The following CHRM3 variants were observed in gnomAD, a reference collection of about 807,000 sequenced individuals.
The protein encoded by CHRM3 is muscarinic acetylcholine receptor M3.
CHRM3 carries 11 observed loss-of-function variants against 41.8 expected under a neutral mutation model. The observed-to-expected ratio is 0.26, with a 90% CI of 0.17 to 0.44. The LOEUF (loss-of-function observed/expected upper bound fraction) is 0.44. Among genes scored for constraint, CHRM3 ranks in the 20% least tolerant of loss-of-function variants. CHRM3 has a pLI of 1.00. For synonymous variants in CHRM3, 297 were observed against 301.4 expected (o/e 0.99, Z 0.15); for missense variants, 571 against 745.4 (o/e 0.77, Z 2.72).
At chr1:239,815,801 C>T (rs1021934027) in intron 5 of CHRM3, among the ~76,000 whole-genome samples, 5 of 152,110 alleles carry the variant, frequency 3.3e-5, no homozygotes, top group African/African-American at 9.7e-5. Context: ...CACATGGTGC[C>T]TCGGTCTGAG....
intron 5 of CHRM3, among the ~76,000 whole-genome samples, chr1:239,689,814 G>A (rs1659532367): frequency 6.6e-6 from 1 of 152,094 alleles, no homozygotes. Context: ...CCGTGTCCAG[G>A]GTACGGATTT....
At chr1:239,564,476 A>G (rs1190003062) in intron 3 of CHRM3, among the ~76,000 whole-genome samples, 1 of 152,194 alleles carries the variant, frequency 6.6e-6, no homozygotes, top group African/African-American at 2.4e-5. Flanking sequence ...TAATTATCCC[A>G]ATATATTTAA....
At chr1:239,794,387 G>GTTTTTTTTTTTTTTT (rs10925977) in intron 5 of CHRM3, among the ~76,000 whole-genome samples, 3 of 115,304 alleles carry the variant, frequency 2.6e-5, no homozygotes, top group Non-Finnish European at 1.9e-5. Flanking sequence ...TTCGTTTGTT[G>GTTTTTTTTTTTTTTT]TTTTTTTTTT....
chr1:239,784,294 C>A (rs1668726958), intron 5 of CHRM3, among the ~76,000 whole-genome samples: 1 of 152,090 alleles, frequency 6.6e-6, no homozygotes, highest in African/African-American at 2.4e-5. Flanking sequence ...ATGTGTTGCC[C>A]AAGTTCATTG....
intron 6 of CHRM3, among the ~76,000 whole-genome samples, chr1:239,875,263 C>T (rs1444946763): frequency 6.6e-6 from 1 of 152,158 alleles, no homozygotes. Flanking sequence ...GATTCTATGG[C>T]AGAGAGGTGG....
chr1:239,894,773 G>A (rs774632565), intron 6 of CHRM3, among the ~76,000 whole-genome samples: 1 of 151,830 alleles, frequency 6.6e-6, no homozygotes, highest in South Asian at 2.1e-4. Flanking sequence ...ACCAACAACT[G>A]TATCAGAGGC....
chr1:239,542,552 C>T (rs536920432), intron 2 of CHRM3, among the ~76,000 whole-genome samples: 21 of 152,266 alleles, frequency 1.4e-4, no homozygotes, highest in East Asian at 1.4e-3. Flanking sequence ...ACATTTTGTT[C>T]ATATTTTGTC....
chr1:239,630,029 G>C (rs1669629447), intron 3 of CHRM3, among the ~76,000 whole-genome samples: 1 of 152,176 alleles, frequency 6.6e-6, no homozygotes, highest in South Asian at 2.1e-4. Context: ...CTGCAGCTAG[G>C]ATGAAAGCCA....
rs539733518 is a variant in CHRM3, at chr1:239,670,352, A to G, written c.-249-7834A>G. Among the ~76,000 whole-genome samples, 9 of 152,252 alleles carry G rather than the reference A, an allele frequency of 5.9e-5. No homozygotes were observed. The South Asian group carries it at 1.4e-3, about 25-fold the overall frequency. On this transcript the variant is annotated intron_variant, in intron 4 of 6. Transcript: ENST00000676153. ...CTTTATAAAAATAAAATCATAGGTA[A>G]AATATTTCTGTGTCTGACTTCTTTT... is the stretch of plus-strand genomic sequence containing the variant.
chr1:239,592,701 A>T (rs565980524), intron 3 of CHRM3, among the ~76,000 whole-genome samples: 13 of 152,130 alleles, frequency 8.5e-5, no homozygotes, highest in Non-Finnish European at 1.6e-4. Context: ...ATACCACATA[A>T]TATACCACAT....
intron 3 of CHRM3, among the ~76,000 whole-genome samples, chr1:239,615,258 G>A (rs1667506248): frequency 6.6e-6 from 1 of 152,168 alleles, no homozygotes; most frequent in Non-Finnish European, 1.5e-5. Flanking sequence ...TATGTAAGGT[G>A]AGCATCTCTA....
chr1:239,414,137 T>C (rs763057162), intron 1 of CHRM3, among the ~76,000 whole-genome samples: 13 of 152,192 alleles, frequency 8.5e-5, no homozygotes, highest in Non-Finnish European at 1.0e-4. Context: ...AAAATCTAAA[T>C]GTGTTTGTGT....
At position 239,913,731 on chromosome 1, in the gene CHRM3, A is replaced by C. The variant is rs1330235815; in HGVS notation, c.*4507A>C. 6.0e-6 allele frequency: 1 copy of C among 167,062 alleles called. No homozygotes were observed. The highest frequency in any genetic ancestry group is 6.5e-5 in the Admixed American group (1 of 15,290). The allele number at this position is 167,062 out of a possible 1,614,324, so 10.3% of individuals were successfully genotyped here. On this transcript the variant is annotated 3_prime_UTR_variant, in exon 7 of 7. Transcript: ENST00000676153. ...AAAAGAAGATCTAGTTCATAAAATG[A>C]CTATACCCCACGTAAGTTTGTAACT...
rs551670324 is a variant in CHRM3 at position 239,664,836 on chromosome 1, T to C, written c.-249-13350T>C. Among the ~76,000 whole-genome samples, 9 of 152,300 alleles carry C rather than the reference T, an allele frequency of 5.9e-5. No individual in the cohort carries two copies. The East Asian group carries it at 1.7e-3, about 29-fold the overall frequency. The stretch of plus-strand genomic sequence containing the variant: ...TGTGGGTCTTCCTGGCTTCTCAGTG[T>C]ACTTCTTGTCTACTTTTCACCACGG... On this transcript the variant is annotated intron_variant, in intron 4 of 6. Coordinates refer to ENST00000676153, the MANE Select transcript of CHRM3 (RefSeq NM_001375978.1).
At chr1:239,390,606 T>C (rs1169788747) in intron 1 of CHRM3, among the ~76,000 whole-genome samples, 1 of 151,778 alleles carries the variant, frequency 6.6e-6, no homozygotes, top group Non-Finnish European at 1.5e-5. Flanking sequence ...TCACTTTTTT[T>C]TTTTTTTTTT....
chr1:239,661,666 G>A (rs1673203648), intron 4 of CHRM3, among the ~76,000 whole-genome samples: 1 of 152,150 alleles, frequency 6.6e-6, no homozygotes, highest in Non-Finnish European at 1.5e-5. Flanking sequence ...GTAGAGGGAG[G>A]GATGAACAGG....
chr1:239,511,025 AG>A (rs1388594455), intron 2 of CHRM3, among the ~76,000 whole-genome samples: 1 of 152,196 alleles, frequency 6.6e-6, no homozygotes, highest in Non-Finnish European at 1.5e-5. Context: ...CACCTCTATA[AG>A]GGAAGTAGAA....
intron 6 of CHRM3, among the ~76,000 whole-genome samples, chr1:239,887,364 G>T (rs1481798795): frequency 6.6e-6 from 1 of 152,084 alleles, no homozygotes; most frequent in Non-Finnish European, 1.5e-5. Context: ...ACCATGCATG[G>T]ATAATTTTTG....
At chr1:239,473,961 G>A (rs1319192310) in intron 1 of CHRM3, among the ~76,000 whole-genome samples, 1 of 151,784 alleles carries the variant, frequency 6.6e-6, no homozygotes, top group Non-Finnish European at 1.5e-5. Context: ...TATTAGGGAA[G>A]GTTTCAGTGG....
Sources: allele counts gnomAD v4.1 joint callset (sites outside exome capture counted in the v4.1 genomes callset), GRCh38; gene constraint gnomAD v4.1.1; transcripts MANE v1.5; gene names NCBI Gene and HGNC (gene_info 2026-07-23, HGNC 2026-07-21).